Variants in TNRC6B observed in about 807,000 individuals in gnomAD.
TNRC6B encodes trinucleotide repeat containing adaptor 6B.
In TNRC6B, 52 loss-of-function variants were observed where a neutral mutation model predicts 203.6. That is an observed-to-expected ratio of 0.26 (90% CI 0.20 to 0.32). The LOEUF is 0.32. Ranked by LOEUF, TNRC6B falls within the 10% of genes least tolerant of loss-of-function variation. The pLI, the probability that TNRC6B is intolerant of heterozygous loss-of-function variation, is 1.00. For synonymous variants in TNRC6B, 838 were observed against 845.7 expected (o/e 0.99, Z 0.16); for missense variants, 1,923 against 2,286.2 (o/e 0.84, Z 3.24).
At chr22:40,090,417 A>G (rs1051268858) in intron 1 of TNRC6B, among the ~76,000 whole-genome samples, 1 of 147,260 alleles carries the variant, frequency 6.8e-6, no homozygotes, top group Admixed American at 6.7e-5. Flanking sequence ...TTTTTTTTTA[A>G]ATTTGTAGTT....
intron 19 of TNRC6B, among the ~76,000 whole-genome samples, chr22:40,314,175 C>T (rs748431393): frequency 1.1e-4 from 17 of 152,172 alleles, no homozygotes; most frequent in Non-Finnish European, 2.1e-4. Context: ...AAAACTGAAC[C>T]TATACTTCCC....
rs1341368361 is a variant in TNRC6B at position 40,329,026 on chromosome 22, AAAAAAC to A, written c.*5796_*5801del. ...TACTTCTTAGTGTTACTGCAAAAAA[AAAAAAC>A]AAAAACAAAACAAAAAAAAGCCTTG... is the stretch of plus-strand genomic sequence containing the variant. On this transcript the variant is annotated 3_prime_UTR_variant, in exon 23 of 23. Transcript: ENST00000454349. The A allele has an allele frequency of 1.3e-5, 2 of 151,638 alleles. No individual in the cohort carries two copies. Among genetic ancestry groups the A allele is most frequent in the Non-Finnish European group, 2.9e-5 (2 of 68,010 alleles). The allele number at this position is 151,638 out of a possible 1,614,324, so 9.4% of individuals were successfully genotyped here. A position where few individuals can be genotyped will look rare whatever the true frequency, so the allele number is the denominator to read the frequency against.
chr22:40,160,615 G>A (rs1243902086), intron 4 of TNRC6B, among the ~76,000 whole-genome samples: 1 of 152,054 alleles, frequency 6.6e-6, no homozygotes, highest in African/African-American at 2.4e-5. Context: ...AGACAACACA[G>A]TAGTACCTGC....
intron 3 of TNRC6B, among the ~76,000 whole-genome samples, chr22:40,142,130 G>A (rs1055785646): frequency 6.6e-6 from 1 of 151,602 alleles, no homozygotes; most frequent in African/African-American, 2.4e-5. Flanking sequence ...TGTGATTATA[G>A]TTCACTGAGC....
chr22:40,261,823 C>A lies in TNRC6B; in HGVS notation c.116-9C>A, dbSNP rs1244009747. 1 of 1,537,584 alleles carries A rather than the reference C, an allele frequency of 6.5e-7. No individual in the cohort carries two copies. The highest frequency in any genetic ancestry group is 1.4e-5 in the African/African-American group (1 of 73,662). ...TTTCAAAGACTGTTTCCCAACCCCT[C>A]TCTTTTAGTGCCCGAAGTGACGAAA... On this transcript the variant is annotated splice_polypyrimidine_tract_variant and intron_variant, in intron 3 of 22. Transcript: ENST00000454349.
chr22:40,101,134 A>T (rs1051764077), intron 1 of TNRC6B, among the ~76,000 whole-genome samples: 1 of 152,004 alleles, frequency 6.6e-6, no homozygotes, highest in African/African-American at 2.4e-5. Context: ...CTGGGACTAC[A>T]GGCATCTGCC....
intron 1 of TNRC6B, among the ~76,000 whole-genome samples, chr22:40,186,629 T>C (rs2069207104): frequency 6.6e-6 from 1 of 151,514 alleles, no homozygotes; most frequent in Admixed American, 6.6e-5. Flanking sequence ...TCCCAACTAC[T>C]TGGGAGGCTG....
upstream of TNRC6B, among the ~76,000 whole-genome samples, chr22:40,176,840 C>T (rs1328972073): frequency 6.6e-6 from 1 of 152,076 alleles, no homozygotes; most frequent in Non-Finnish European, 1.5e-5. Flanking sequence ...AGGGTGGAGG[C>T]GAACTTTTGA....
chr22:40,225,216 C>CTTGCCTCA (rs1242153582), intron 1 of TNRC6B, among the ~76,000 whole-genome samples: 1 of 152,160 alleles, frequency 6.6e-6, no homozygotes, highest in Non-Finnish European at 1.5e-5. Context: ...GTGCTTATTG[C>CTTGCCTCA]AGTTGACCAT....
intron 2 of TNRC6B, among the ~76,000 whole-genome samples, chr22:40,117,886 C>G (rs994167862): frequency 6.6e-6 from 1 of 152,018 alleles, no homozygotes; most frequent in Non-Finnish European, 1.5e-5. Flanking sequence ...TATCTGTCTC[C>G]TTTACTAATA....
intron 1 of TNRC6B, among the ~76,000 whole-genome samples, chr22:40,185,613 G>A (rs777147709): frequency 1.3e-5 from 2 of 152,204 alleles, no homozygotes; most frequent in Non-Finnish European, 2.9e-5. Context: ...GGAGGACTAG[G>A]TGTGTCCAGG....
intron 1 of TNRC6B, among the ~76,000 whole-genome samples, chr22:40,208,077 T>A (rs1416680365): frequency 2.9e-5 from 4 of 140,066 alleles, no homozygotes; most frequent in African/African-American, 1.0e-4. Flanking sequence ...TGCGCCCGTC[T>A]CTCCAGCCTG....
chr22:40,090,845 C>T (rs2068144387), intron 1 of TNRC6B, among the ~76,000 whole-genome samples: 2 of 152,120 alleles, frequency 1.3e-5, no homozygotes. Flanking sequence ...TTGGAGAAAT[C>T]ACTGATACAG....
chr22:40,064,508 G>A (rs2069296066), intron 1 of TNRC6B, among the ~76,000 whole-genome samples: 1 of 151,268 alleles, frequency 6.6e-6, no homozygotes, highest in African/African-American at 2.4e-5. Flanking sequence ...TGATCATCTA[G>A]TTTTTGTTAT....
At chr22:40,291,832 G>C (rs934073448) in intron 12 of TNRC6B, among the ~76,000 whole-genome samples, 4 of 152,160 alleles carry the variant, frequency 2.6e-5, no homozygotes, top group Non-Finnish European at 5.9e-5. Flanking sequence ...AAAAGGTTTT[G>C]ATAAATACCA....
intron 1 of TNRC6B, among the ~76,000 whole-genome samples, chr22:40,196,346 A>T (rs1349800556): frequency 6.6e-6 from 1 of 150,750 alleles, no homozygotes; most frequent in Non-Finnish European, 1.5e-5. Flanking sequence ...TTTCTAATGG[A>T]TTTTTAATAA....
At position 40,047,782 on chromosome 22, in the gene TNRC6B, G is replaced by C. The variant is rs561501522; in HGVS notation, c.-121+2784G>C. ...TTGTGCAGATTGCTGCTCCAGTCCC[G>C]GGCTATTGTGTATTGTGATAAATTG... On this transcript the variant is annotated intron_variant, in intron 1 of 23. Coordinates refer to the TNRC6B transcript ENST00000301923. Among the ~76,000 whole-genome samples the C allele has an allele frequency of 2.0e-3, 300 of 152,186 alleles. 4 individuals carry two copies. The Middle Eastern group carries it at 0.024, about 12-fold the overall frequency.
chr22:40,218,324 C>CTTTTTTTTTTTTTTTT (rs71199275), intron 1 of TNRC6B, among the ~76,000 whole-genome samples: 7 of 97,460 alleles, frequency 7.2e-5, no homozygotes, highest in East Asian at 3.2e-4. Flanking sequence ...TTTTTCTTTT[C>CTTTTTTTTTTTTTTTT]TTTTTTTTTT....
At position 40,086,159 on chromosome 22, in the gene TNRC6B, C is replaced by A. The variant is rs183546494; in HGVS notation, c.-120-30896C>A. 4.6e-5 allele frequency among the ~76,000 whole-genome samples: 7 copies of A among 152,212 alleles called. No homozygotes were observed. The East Asian group carries it at 1.2e-3, about 25-fold the overall frequency. On this transcript the variant is annotated intron_variant, in intron 1 of 23. Coordinates refer to the TNRC6B transcript ENST00000301923. ...GTGCTGGGATTACAGGCATGAGCCA[C>A]CATGCTTGGCCAGAAATAGTCTCTT...
Sources: allele counts gnomAD v4.1 joint callset (sites outside exome capture counted in the v4.1 genomes callset), GRCh38; gene constraint gnomAD v4.1.1; transcripts MANE v1.5; gene names NCBI Gene and HGNC (gene_info 2026-07-23, HGNC 2026-07-21).